Variants in GRM7 observed in about 807,000 individuals in gnomAD.
GRM7 encodes glutamate metabotropic receptor 7, also known as metabotropic glutamate receptor 7.
GRM7 carries 35 observed loss-of-function variants against 84.5 expected under a neutral mutation model. The observed-to-expected ratio is 0.41, with a 90% confidence interval of 0.32 to 0.55. The LOEUF (loss-of-function observed/expected upper bound fraction) is 0.55, where lower values mean the gene tolerates loss of function less well. Among genes scored for constraint, GRM7 ranks in the 20% least tolerant of loss-of-function variants. The pLI is 0.19. For missense variants in GRM7, 1,003 were observed against 1,194.6 expected, an observed-to-expected ratio of 0.84 and a Z score of 2.36; for synonymous variants, 487 against 455.1, an observed-to-expected ratio of 1.07 and a Z score of -0.89.
At chr3:7,527,681 C>T (rs1700860123) in intron 7 of GRM7, among the ~76,000 whole-genome samples, 2 of 151,936 alleles carry the variant, frequency 1.3e-5, no homozygotes, top group South Asian at 2.1e-4. Flanking sequence ...ATAAATGACT[C>T]ATTATTTTGA....
At chr3:7,208,862 A>T (rs1015894792) in intron 2 of GRM7, among the ~76,000 whole-genome samples, 1 of 152,190 alleles carries the variant, frequency 6.6e-6, no homozygotes, top group Non-Finnish European at 1.5e-5. Flanking sequence ...TATAATAGAT[A>T]AGCAATCACG....
chr3:7,499,020 T>C (rs1699795987), intron 7 of GRM7, among the ~76,000 whole-genome samples: 1 of 152,202 alleles, frequency 6.6e-6, no homozygotes, highest in South Asian at 2.1e-4. Context: ...GGGAGTTGAC[T>C]AGGCTCTGCT....
rs111440708 is a variant in GRM7, at chr3:7,476,547, A to G, written c.1515+14825A>G. 7.0e-3 allele frequency among the ~76,000 whole-genome samples: 1,060 copies of G among 152,244 alleles called. 14 individuals are homozygous for G. Among genetic ancestry groups the G allele is most frequent in the African/African-American group, 0.024 (995 of 41,534 alleles). ...GGTGACAGTTCGAGACTCCACCTCA[A>G]AAAATAAGAAAAAATTTAAAAAAAG... On this transcript the variant is annotated intron_variant, in intron 7 of 9. Coordinates refer to ENST00000357716, the MANE Select transcript of GRM7 (RefSeq NM_000844.4).
intron 1 of GRM7, among the ~76,000 whole-genome samples, chr3:7,116,051 G>T (rs1433118115): frequency 1.3e-5 from 2 of 152,284 alleles, no homozygotes; most frequent in South Asian, 2.1e-4. Context: ...TTACAGGGAA[G>T]ATGCTCTAAA....
At chr3:7,564,626 G>C (rs1268455632) in intron 7 of GRM7, among the ~76,000 whole-genome samples, 1 of 152,166 alleles carries the variant, frequency 6.6e-6, no homozygotes, top group African/African-American at 2.4e-5. Context: ...TGCATGAAAT[G>C]TATTGACCGT....
intron 7 of GRM7, among the ~76,000 whole-genome samples, chr3:7,476,427 G>A (rs1427120214): frequency 1.3e-5 from 2 of 152,084 alleles, no homozygotes; most frequent in Non-Finnish European, 2.9e-5. Flanking sequence ...AGCGCCTGTA[G>A]TCTTAGCTAC....
At chr3:7,575,821 C>T (rs368022025) in intron 7 of GRM7, among the ~76,000 whole-genome samples, 7 of 152,014 alleles carry the variant, frequency 4.6e-5, no homozygotes, top group African/African-American at 1.4e-4. Flanking sequence ...ATGTGATGTT[C>T]GTGGTTACAG....
chr3:7,549,506 G>C lies in GRM7; in HGVS notation c.1516-28916G>C, dbSNP rs146537679. Among the ~76,000 whole-genome samples the C allele has an allele frequency of 2.0e-3, 303 of 152,270 alleles. 2 individuals are homozygous for C. The highest frequency in any genetic ancestry group is 6.3e-3 in the African/African-American group (260 of 41,556). On this transcript the variant is annotated intron_variant, in intron 7 of 9. Transcript: ENST00000357716. ...ACCTCTGAGCCTGTATGTGGGGAGA[G>C]GGAGAAGAGATGAGTGCAACTGAAG...
chr3:6,997,101 A>G (rs1255210081), intron 1 of GRM7, among the ~76,000 whole-genome samples: 2 of 152,192 alleles, frequency 1.3e-5, no homozygotes, highest in Admixed American at 6.5e-5. Context: ...AACATTTAAT[A>G]TGGATACGCT....
chr3:6,877,949 CTT>C (rs34919831), intron 1 of GRM7, among the ~76,000 whole-genome samples: 105 of 145,408 alleles, frequency 7.2e-4, no homozygotes, highest in Middle Eastern at 3.6e-3. Context: ...CAATAACTTA[CTT>C]TTTTTTTTTT....
chr3:7,628,343 G>A (rs1227270590), intron 8 of GRM7, among the ~76,000 whole-genome samples: 1 of 152,070 alleles, frequency 6.6e-6, no homozygotes, highest in Non-Finnish European at 1.5e-5. Flanking sequence ...GCTTGCCCAG[G>A]TCACGACTTC....
chr3:7,294,099 C>A (rs1699731359), intron 2 of GRM7, among the ~76,000 whole-genome samples: 1 of 152,220 alleles, frequency 6.6e-6, no homozygotes, highest in South Asian at 2.1e-4. Flanking sequence ...GCGGGCAATT[C>A]CCCGTAAGAG....
chr3:7,511,889 C>G (rs1700223166), intron 7 of GRM7, among the ~76,000 whole-genome samples: 2 of 152,222 alleles, frequency 1.3e-5, no homozygotes, highest in Admixed American at 1.3e-4. Flanking sequence ...TGCCTGTAAT[C>G]TCAGCACTTT....
chr3:7,649,320 C>T (rs967578561), intron 8 of GRM7, among the ~76,000 whole-genome samples: 9 of 152,128 alleles, frequency 5.9e-5, no homozygotes, highest in South Asian at 2.1e-4. Context: ...CCTCCTGCCT[C>T]GGCCTCCCAA....
intron 9 of GRM7, among the ~76,000 whole-genome samples, chr3:7,705,492 AC>A: frequency 6.6e-6 from 1 of 152,334 alleles, no homozygotes; most frequent in Admixed American, 6.5e-5. Context: ...GATAACAAAT[AC>A]AAAACTGCAA....
At chr3:6,959,081 T>C (rs2125079517) in intron 1 of GRM7, among the ~76,000 whole-genome samples, 1 of 152,292 alleles carries the variant, frequency 6.6e-6, no homozygotes, top group East Asian at 1.9e-4. Flanking sequence ...AATCTGAAAG[T>C]GATAGCTATG....
At chr3:7,690,773 C>T (rs751618317) in intron 9 of GRM7, among the ~76,000 whole-genome samples, 3 of 152,166 alleles carry the variant, frequency 2.0e-5, no homozygotes, top group Non-Finnish European at 4.4e-5. Flanking sequence ...ATTTGGTAAA[C>T]ACAAAAACAT....
intron 7 of GRM7, among the ~76,000 whole-genome samples, chr3:7,536,588 G>T (rs549981592): frequency 6.6e-6 from 1 of 152,320 alleles, no homozygotes; most frequent in Admixed American, 6.5e-5. Flanking sequence ...GGATGTCATT[G>T]CTGAGGCTAG....
At chr3:7,162,017 G>A (rs990334815) in intron 2 of GRM7, among the ~76,000 whole-genome samples, 2 of 152,182 alleles carry the variant, frequency 1.3e-5, no homozygotes, top group Non-Finnish European at 1.5e-5. Context: ...GAGGTTGAAG[G>A]AGATGTATAT....
Sources: gnomAD v4.1 joint callset for allele counts (sites outside exome capture counted in the v4.1 genomes callset) on GRCh38, gnomAD v4.1.1 for gene constraint, MANE v1.5 for transcripts, NCBI Gene and HGNC (gene_info 2026-07-23, HGNC 2026-07-21) for gene names.